HELQ: variants seen among roughly 807,000 people sequenced by gnomAD.
The protein encoded by HELQ is helicase, POLQ like.
Under a neutral mutation model 111.6 loss-of-function variants are expected in HELQ, and 77 were observed. That is an observed-to-expected ratio of 0.69 (90% confidence interval 0.57 to 0.83). The LOEUF is 0.83. HELQ is among the 40% of genes least tolerant of loss of function. The pLI, the probability that HELQ is intolerant of heterozygous loss-of-function variation, is 0.00. For synonymous variants in HELQ, 438 were observed against 454.7 expected, an observed-to-expected ratio of 0.96 and a Z score of 0.47; for missense variants, 1,200 against 1,288.5, an observed-to-expected ratio of 0.93 and a Z score of 1.05.
intron 11 of HELQ, 126 bp downstream of exon 11, chr4:83,431,538 G>C: frequency 2.8e-6 from 1 of 359,270 alleles, no homozygotes. Flanking sequence ...AAAATTAAAA[G>C]AAAAAATTAT....
chr4:83,420,511 G>A (rs967160101), intron 15 of HELQ, among the ~76,000 whole-genome samples: 4 of 151,838 alleles, frequency 2.6e-5, no homozygotes, highest in Non-Finnish European at 5.9e-5. Flanking sequence ...TTGGTTGGGC[G>A]CTGTGGCTCA....
chr4:83,455,277 T>G, intron 1 of HELQ, 120 bp downstream of exon 1: 2 of 1,523,064 alleles, frequency 1.3e-6, no homozygotes. Flanking sequence ...ACCTCCTAAG[T>G]GCCGATTAAC....
chr4:83,433,665 CAAAAAA>C (rs1175098887), intron 9 of HELQ, among the ~76,000 whole-genome samples: 1 of 47,086 alleles, frequency 2.1e-5, no homozygotes, highest in Admixed American at 2.3e-4. Flanking sequence ...GACTCCGTCT[CAAAAAA>C]AAAAAAAAAA....
chr4:83,417,436 C>T (rs1222101655), intron 16 of HELQ, among the ~76,000 whole-genome samples: 1 of 152,120 alleles, frequency 6.6e-6, no homozygotes, highest in Non-Finnish European at 1.5e-5. Flanking sequence ...CTCCTGACCT[C>T]AATTGATCCA....
intron 8 of HELQ, among the ~76,000 whole-genome samples, chr4:83,437,635 A>G (rs1720534885): frequency 6.6e-6 from 1 of 151,464 alleles, no homozygotes; most frequent in South Asian, 2.1e-4. Context: ...GAAAAATATA[A>G]CTATTTACAT....
intron 9 of HELQ, among the ~76,000 whole-genome samples, chr4:83,435,669 A>T (rs1038236578): frequency 6.6e-6 from 1 of 152,184 alleles, no homozygotes; most frequent in Non-Finnish European, 1.5e-5. Flanking sequence ...TAAATACTAC[A>T]TAAGATGAAA....
Position 83,416,754 on chromosome 4 carries a change from T to G in HELQ, c.3175A>C (p.Lys1059Gln). ...TIDHLSRRQAKQIVSSAKMLL... is the reference protein window; with the variant it reads ...TIDHLSRRQAQQIVSSAKMLL... ...ACCTTTGCTGATGAAACAATTTGCT[T>G]GGCTTGGCGTCTTGATAAATGATCA... The change falls in exon 17 of 18, where the codon AAG becomes CAG. Residue 1059 changes from lysine (K) to glutamine (Q), a missense_variant. Lys to Gln is a moderately conservative substitution (Grantham distance 53). This residue lies in a region of HELQ where 585 missense variants were observed against 665.3 expected (regional missense o/e 0.88). Transcript: ENST00000295488. 6.2e-7 allele frequency: 1 copy of G among 1,612,644 alleles called. No individual in the cohort carries two copies. The highest frequency in any genetic ancestry group is 8.5e-7 in the Non-Finnish European group (1 of 1,179,690).
At position 83,453,836 on chromosome 4, in the gene HELQ, T is replaced by G; in HGVS notation, c.407A>C (p.His136Pro). 1 of 1,614,140 alleles carries G rather than the reference T, an allele frequency of 6.2e-7. No individual in the cohort carries two copies. The highest frequency in any genetic ancestry group is 1.3e-5 in the African/African-American group (1 of 75,052). Residue 136 changes from histidine to proline, a missense_variant, in exon 2 of 18, where the codon CAT becomes CCT. Physicochemically the swap from His to Pro is moderately conservative, Grantham distance 77. This residue lies in a region of HELQ where 610 missense variants were observed against 607.1 expected (regional missense o/e 1.00). Coordinates refer to ENST00000295488, the MANE Select transcript of HELQ (RefSeq NM_133636.5). Reference protein sequence around the residue: ...LEQKYMQLPEHKKHATDFATE... With the variant: ...LEQKYMQLPEPKKHATDFATE... ...GGCAAAGTCTGTAGCATGTTTCTTA[T>G]GTTCAGGGAGTTGCATATATTTTTG... is the stretch of plus-strand genomic sequence containing the variant.
chr4:83,422,049 C>T (rs1051788843), intron 14 of HELQ, among the ~76,000 whole-genome samples: 28 of 151,720 alleles, frequency 1.8e-4, no homozygotes, highest in East Asian at 3.9e-4. Context: ...GGCAAAACTC[C>T]GTCTCCACAA....
In HELQ at chr4:83,416,752, C is replaced by T; in HGVS notation, c.3177G>A (p.Lys1059=). The change falls in exon 17 of 18, where the codon AAG becomes AAA. Residue 1059 remains lysine (K), a synonymous_variant. Transcript: ENST00000295488. Reference sequence around the variant, plus strand: ...TTACCTTTGCTGATGAAACAATTTGCTTGGCTTGGCGTCTTGATAAATGAT... The same window carrying T: ...TTACCTTTGCTGATGAAACAATTTGTTTGGCTTGGCGTCTTGATAAATGAT... The part of the protein sequence containing the change: ...TIDHLSRRQA[K]QIVSSAKMLL... 1 of 1,612,136 alleles carries T rather than the reference C, an allele frequency of 6.2e-7. No individual in the cohort carries two copies.
chr4:83,433,888 G>A (rs7655816), intron 9 of HELQ, among the ~76,000 whole-genome samples: 10,507 of 150,646 alleles, frequency 0.07, 1,225 homozygotes, highest in African/African-American at 0.24. Flanking sequence ...GGCTGAGGCA[G>A]GAGAATCACT....
Position 83,455,632 on chromosome 4 carries a change from C to G in HELQ, c.62G>C (p.Ser21Thr), listed in dbSNP as rs145614597. 6.2e-7 allele frequency: 1 copy of G among 1,613,850 alleles called. No individual in the cohort carries two copies. Among genetic ancestry groups the G allele is most frequent in the Non-Finnish European group, 8.5e-7 (1 of 1,180,038 alleles). Residue 21 changes from serine to threonine, a missense_variant, in exon 1 of 18, where the codon AGC becomes ACC. By Grantham distance (58) the Ser-to-Thr change is moderately conservative. Around this residue, in one of 3 missense-constraint regions of HELQ, gnomAD observed 610 missense variants for 607.1 expected, o/e 1.00. Coordinates refer to ENST00000295488, the MANE Select transcript of HELQ (RefSeq NM_133636.5). ...GGGAGCGCCAAAAATACACCCCAAG[C>G]TTGGACGGTTCCTTTTGGGGAGAGA... ...RVSLPKRNRPSLGCIFGAPTA... is the reference protein window; with the variant it reads ...RVSLPKRNRPTLGCIFGAPTA...
intron 9 of HELQ, among the ~76,000 whole-genome samples, chr4:83,433,286 C>T (rs1462758577): frequency 1.3e-5 from 2 of 151,976 alleles, no homozygotes; most frequent in Non-Finnish European, 2.9e-5. Context: ...ACCACAAAAC[C>T]AGATAATATA....
intron 17 of HELQ, among the ~76,000 whole-genome samples, chr4:83,411,549 A>C (rs1411916519): frequency 6.6e-6 from 1 of 152,006 alleles, no homozygotes; most frequent in African/African-American, 2.4e-5. Context: ...GGCTGCAGCA[A>C]GCCAAGATCA....
chr4:83,432,010 G>C (rs1720179805), intron 10 of HELQ, 116 bp downstream of exon 10: 1 of 597,322 alleles, frequency 1.7e-6, no homozygotes. Flanking sequence ...ATATAGGAAA[G>C]AAAGCATCAT....
chr4:83,432,326 T>A, intron 9 of HELQ, 59 bp from the exon 10 acceptor site: 1 of 1,249,728 alleles, frequency 8.0e-7, no homozygotes, highest in Non-Finnish European at 1.1e-6. Context: ...AAAAAATTCT[T>A]AATTTCATTA....
intron 9 of HELQ, among the ~76,000 whole-genome samples, chr4:83,433,391 G>A (rs1003453609): frequency 1.3e-5 from 2 of 152,138 alleles, no homozygotes; most frequent in Non-Finnish European, 2.9e-5. Flanking sequence ...CTATTGGCGG[G>A]GCGTGGTGGC....
Position 83,455,639 on chromosome 4 carries a change from G to A in HELQ, c.55C>T (p.Arg19Cys), listed in dbSNP as rs772676815. The A allele has an allele frequency of 3.7e-6, 6 of 1,613,350 alleles. No homozygotes were observed. In the African/African-American group the frequency reaches 6.7e-5, roughly 18 times the overall value. Reference sequence around the variant, plus strand: ...CCAAAAATACACCCCAAGCTTGGACGGTTCCTTTTGGGGAGAGACACCCGC... The same window carrying A: ...CCAAAAATACACCCCAAGCTTGGACAGTTCCTTTTGGGGAGAGACACCCGC... ...RRRVSLPKRN[R>C]PSLGCIFGAP... Residue 19 changes from arginine (R) to cysteine (C), a missense_variant, in exon 1 of 18, where the codon CGT becomes TGT. Arg to Cys is a radical substitution (Grantham distance 180). Around this residue, in one of 3 missense-constraint regions of HELQ, gnomAD observed 610 missense variants for 607.1 expected, o/e 1.00. Coordinates refer to ENST00000295488, the MANE Select transcript of HELQ (RefSeq NM_133636.5).
At chr4:83,408,622 C>T (rs1479844771) in intron 17 of HELQ, among the ~76,000 whole-genome samples, 1 of 150,770 alleles carries the variant, frequency 6.6e-6, no homozygotes, top group East Asian at 1.9e-4. Flanking sequence ...CTATGTTGTC[C>T]AGGCTGTTCT....
Sources: gnomAD v4.1 joint callset for allele counts (sites outside exome capture counted in the v4.1 genomes callset) on GRCh38, gnomAD v4.1.1 for gene constraint, gnomAD v4.1.1 regional missense constraint, MANE v1.5 for transcripts, NCBI Gene and HGNC (gene_info 2026-07-23, HGNC 2026-07-21) for gene names.